AK9: variants seen among roughly 807,000 people sequenced by gnomAD.
The protein encoded by AK9 is adenylate kinase 9.
AK9 carries 191 observed loss-of-function variants against 239.6 expected under a neutral mutation model. That is an observed-to-expected ratio of 0.80 (90% CI 0.71 to 0.90). The LOEUF (loss-of-function observed/expected upper bound fraction) is 0.90. Ranked by LOEUF, AK9 falls within the 40% of genes least tolerant of loss-of-function variation. The probability of loss-of-function intolerance (pLI) is 0.00; values close to 1 mark genes in which losing one functional copy is unlikely to be tolerated. For synonymous variants in AK9, 689 were observed against 721.0 expected, an observed-to-expected ratio of 0.96 and a Z score of 0.71; for missense variants, 1,995 against 2,214.7, an observed-to-expected ratio of 0.90 and a Z score of 1.99.
At chr6:109,561,245 C>A (rs1785727095) in intron 24 of AK9, among the ~76,000 whole-genome samples, 1 of 152,068 alleles carries the variant, frequency 6.6e-6, no homozygotes, top group African/African-American at 2.4e-5. Context: ...AGCCACCATG[C>A]CCAGCTTGCC....
At chr6:109,505,636 T>C (rs914264105) in intron 35 of AK9, among the ~76,000 whole-genome samples, 1 of 152,208 alleles carries the variant, frequency 6.6e-6, no homozygotes, top group Admixed American at 6.5e-5. Flanking sequence ...CATGGACCCG[T>C]ATAACTACTG....
chr6:109,541,024 C>G (rs1340739568), intron 27 of AK9, among the ~76,000 whole-genome samples: 2 of 152,318 alleles, frequency 1.3e-5, no homozygotes, highest in South Asian at 4.1e-4. Flanking sequence ...CTTTGGCCCT[C>G]TCCCCTGGCT....
intron 12 of AK9, among the ~76,000 whole-genome samples, chr6:109,627,462 G>A (rs763998540): frequency 7.9e-5 from 12 of 152,056 alleles, no homozygotes; most frequent in Admixed American, 2.6e-4. Context: ...GATTGTATGT[G>A]CTATGCTTTT....
intron 17 of AK9, among the ~76,000 whole-genome samples, chr6:109,592,757 T>TA (rs150427455): frequency 0.025 from 3,844 of 151,046 alleles, 92 homozygotes; most frequent in East Asian, 0.11. Context: ...GATTTTTTTT[T>TA]ATAAGTGATT....
At chr6:109,569,218 G>A (rs2128190467) in intron 21 of AK9, among the ~76,000 whole-genome samples, 1 of 152,246 alleles carries the variant, frequency 6.6e-6, no homozygotes, top group South Asian at 2.1e-4. Context: ...GGGAAAACTG[G>A]CTAGCCATAT....
At chr6:109,539,502 G>A (rs1018086785) in intron 27 of AK9, among the ~76,000 whole-genome samples, 12 of 152,092 alleles carry the variant, frequency 7.9e-5, no homozygotes, top group African/African-American at 2.2e-4. Flanking sequence ...TTAGCCATTC[G>A]TCTAATCTTT....
chr6:109,646,323 T>C lies in AK9; in HGVS notation c.760-1635A>G, dbSNP rs371809102. On this transcript the variant is annotated intron_variant, in intron 8 of 40. Transcript: ENST00000424296. ...AGCTAAAGGAGGATGTTTGAACCCA[T>C]TGCAAGGAAGGTAAAAACCTTGAAA... Among the ~76,000 whole-genome samples the C allele has an allele frequency of 1.9e-4, 29 of 152,124 alleles. No homozygotes were observed. In the Middle Eastern group the frequency reaches 0.01, roughly 54 times the overall value.
chr6:109,541,991 T>G, intron 27 of AK9, 56 bp downstream of exon 27: 1 of 1,396,366 alleles, frequency 7.2e-7, no homozygotes, highest in Non-Finnish European at 9.6e-7. Flanking sequence ...TTTTAACTTT[T>G]AAGAATAAAA....
chr6:109,511,106 C>CT (rs1224099500), intron 32 of AK9, among the ~76,000 whole-genome samples: 1 of 63,084 alleles, frequency 1.6e-5, no homozygotes. Flanking sequence ...TAAGGGTTTT[C>CT]TTTTTTCTGC....
intron 22 of AK9, 41 bp downstream of exon 22, chr6:109,564,715 A>C: frequency 7.0e-7 from 1 of 1,434,504 alleles, no homozygotes; most frequent in Non-Finnish European, 9.4e-7. Context: ...AAATATGAAA[A>C]GTACTTTTAT....
At chr6:109,596,677 G>A (rs1791077062) in intron 17 of AK9, among the ~76,000 whole-genome samples, 1 of 152,158 alleles carries the variant, frequency 6.6e-6, no homozygotes, top group Non-Finnish European at 1.5e-5. Context: ...AACAGGAAGG[G>A]AGGGGTGGCT....
intron 30 of AK9, among the ~76,000 whole-genome samples, 158 bp downstream of exon 30, chr6:109,516,272 G>T (rs991889452): frequency 6.6e-6 from 1 of 152,058 alleles, no homozygotes; most frequent in Non-Finnish European, 1.5e-5. Context: ...TTAATTTATG[G>T]ACTTATTGCA....
rs573086706 is a variant in AK9 at position 109,517,634 on chromosome 6, G to A, written c.3634-992C>T. 3.3e-5 allele frequency among the ~76,000 whole-genome samples: 5 copies of A among 152,218 alleles called. No individual in the cohort carries two copies. The East Asian group carries it at 5.8e-4, about 18-fold the overall frequency. ...TCTGGCATATGGTAAGTATGTGAAC[G>A]TTACCTATTATTATGCTCTTATAGC... On this transcript the variant is annotated intron_variant, in intron 29 of 40. Coordinates refer to ENST00000424296, the MANE Select transcript of AK9 (RefSeq NM_001145128.3).
intron 29 of AK9, chr6:109,528,778 C>T (rs1331819613): frequency 4.8e-6 from 3 of 623,084 alleles, no homozygotes; most frequent in Non-Finnish European, 8.7e-6. Context: ...AGATGGAAAT[C>T]AGGTTACAAG....
At chr6:109,611,352 C>G (rs896270074) in intron 16 of AK9, among the ~76,000 whole-genome samples, 1 of 152,120 alleles carries the variant, frequency 6.6e-6, no homozygotes, top group South Asian at 2.1e-4. Context: ...CCCATGGGAG[C>G]GGGTGCATAG....
chr6:109,591,030 G>T (rs1289041419), intron 17 of AK9, among the ~76,000 whole-genome samples: 2 of 152,116 alleles, frequency 1.3e-5, no homozygotes, highest in Non-Finnish European at 2.9e-5. Context: ...TGTCTGTTAG[G>T]TCCATTTGGT....
At chr6:109,574,124 T>C (rs1787772368) in intron 20 of AK9, among the ~76,000 whole-genome samples, 1 of 152,210 alleles carries the variant, frequency 6.6e-6, no homozygotes, top group Non-Finnish European at 1.5e-5. Context: ...AGCACCAGGT[T>C]AGATTATATA....
intron 27 of AK9, among the ~76,000 whole-genome samples, chr6:109,540,285 C>A (rs1187753913): frequency 6.6e-6 from 1 of 152,192 alleles, no homozygotes; most frequent in Non-Finnish European, 1.5e-5. Context: ...TGTTTACCTA[C>A]TGCAGCCTCA....
At chr6:109,671,430 A>G (rs1770867599) in intron 5 of AK9, among the ~76,000 whole-genome samples, 1 of 152,182 alleles carries the variant, frequency 6.6e-6, no homozygotes, top group East Asian at 1.9e-4. Flanking sequence ...CATCCATTTG[A>G]GTACCAGGAG....
Sources: allele counts gnomAD v4.1 joint callset (sites outside exome capture counted in the v4.1 genomes callset), GRCh38; gene constraint gnomAD v4.1.1; transcripts MANE v1.5; gene names NCBI Gene and HGNC (gene_info 2026-07-23, HGNC 2026-07-21).